Variants in SYNGR1 observed in about 807,000 individuals in gnomAD.
The protein encoded by SYNGR1 is synaptogyrin-1.
A neutral mutation model predicts 26.1 loss-of-function variants in SYNGR1; 14 were observed. That is an observed-to-expected ratio of 0.54 (90% CI 0.35 to 0.84). The LOEUF (loss-of-function observed/expected upper bound fraction) is 0.84. SYNGR1 is among the 40% of genes least tolerant of loss of function. The probability of loss-of-function intolerance (pLI) is 0.01; values close to 1 mark genes in which losing one functional copy is unlikely to be tolerated. For missense variants in SYNGR1, 319 were observed against 332.9 expected (o/e 0.96, Z 0.33); for synonymous variants, 141 against 150.1 (o/e 0.94, Z 0.44).
chr22:39,358,575 C>A (rs1276804281), intron 1 of SYNGR1, among the ~76,000 whole-genome samples: 1 of 151,696 alleles, frequency 6.6e-6, no homozygotes, highest in African/African-American at 2.4e-5. Flanking sequence ...AGACGCGCGG[C>A]ATTAAGAGCT....
intron 1 of SYNGR1, among the ~76,000 whole-genome samples, chr22:39,363,843 C>T (rs73887481): frequency 0.063 from 9,606 of 152,096 alleles, 989 homozygotes; most frequent in African/African-American, 0.22. Context: ...GATGTTCCTG[C>T]GCAGGGCGAG....
At chr22:39,357,632 CA>C (rs1924210884) in intron 1 of SYNGR1, among the ~76,000 whole-genome samples, 1 of 80,504 alleles carries the variant, frequency 1.2e-5, no homozygotes, top group African/African-American at 6.2e-5. Flanking sequence ...GCCCTCGGAG[CA>C]GCCGGCCAGC....
intron 2 of SYNGR1, 194 bp downstream of exon 2, chr22:39,374,747 A>C: frequency 7.9e-6 from 5 of 635,390 alleles, no homozygotes; most frequent in Non-Finnish European, 8.3e-6. Flanking sequence ...ACCCCAAAAT[A>C]ACCCATGCTG....
chr22:39,354,152 G>A (rs1464066800), intron 1 of SYNGR1, among the ~76,000 whole-genome samples: 6 of 152,170 alleles, frequency 3.9e-5, no homozygotes, highest in Non-Finnish European at 5.9e-5. Context: ...GTGAGCCACC[G>A]TGCCCAGTCA....
chr22:39,379,189 T>C (rs940807856), intron 3 of SYNGR1, among the ~76,000 whole-genome samples: 2 of 152,214 alleles, frequency 1.3e-5, no homozygotes, highest in African/African-American at 4.8e-5. Context: ...CATGCTAACA[T>C]AGTGGGAAAC....
Position 39,350,037 on chromosome 22 carries a change from CA to C in SYNGR1, c.30del (p.Ala11ProfsTer27). On this transcript the variant is annotated frameshift_variant, in exon 1 of 4. Transcript: ENST00000328933. LOFTEE classifies it high-confidence loss of function. The surrounding 1 kb of genome is among the most constrained non-coding windows in gnomAD (Gnocchi z 4.3). ...TGGAAGGGGGTGCGTACGGAGCGGG[CA>C]AAGCCGGGGGCGCCTTCGACCCCTA... is the stretch of plus-strand genomic sequence containing the variant. MEGGAYGAG[K>X]AGGAFDPYTL... The C allele has an allele frequency of 7.1e-7, 1 of 1,405,208 alleles. No individual in the cohort carries two copies. The highest frequency in any genetic ancestry group is 1.4e-5 in the South Asian group (1 of 71,036). 87.0% of individuals were successfully genotyped at this position (1,405,208 alleles called of 1,614,324 possible). A position where few individuals can be genotyped will look rare whatever the true frequency, so the allele number is the denominator to read the frequency against.
intron 1 of SYNGR1, among the ~76,000 whole-genome samples, chr22:39,363,114 G>A (rs1345936539): frequency 1.3e-5 from 2 of 152,132 alleles, no homozygotes; most frequent in African/African-American, 4.8e-5. Flanking sequence ...AGGCATCCCA[G>A]GCAGAGGAAA....
rs987331011 is a variant in SYNGR1, at chr22:39,375,697, T to C, written c.338-355T>C. 5.3e-5 allele frequency: 31 copies of C among 586,124 alleles called. 1 individual carries two copies. The highest frequency in any genetic ancestry group is 4.7e-4 in the African/African-American group (25 of 53,698). The allele number at this position is 586,124 out of a possible 1,614,324, so 36.3% of individuals were successfully genotyped here. A position where few individuals can be genotyped will look rare whatever the true frequency, so the allele number is the denominator to read the frequency against. On this transcript the variant is annotated intron_variant, in intron 2 of 3. Transcript: ENST00000328933. ...CCCACGTCAGCGGTGTGGCTGGACA[T>C]GGGGGTTTGGCAGAGGCTGCAGAAA...
intron 1 of SYNGR1, among the ~76,000 whole-genome samples, chr22:39,367,635 C>T (rs1195952016): frequency 1.3e-5 from 2 of 152,086 alleles, no homozygotes; most frequent in Non-Finnish European, 2.9e-5. Context: ...CCAGCCTGGC[C>T]AACATGGCAC....
rs111468234 is a variant in SYNGR1 at position 39,364,167 on chromosome 22, G to A, written c.100-10149G>A. The A allele has an allele frequency of 6.0e-3, 9,677 of 1,611,958 alleles. 510 individuals carry two copies. The African/African-American group carries it at 0.11, about 19-fold the overall frequency. ...CTTTTGCACTGCGGGACACGGCTCA[G>A]GACCAGCAGGCATGCCTCCTTGGTC... On this transcript the variant is annotated intron_variant, in intron 1 of 3. Coordinates refer to ENST00000328933, the MANE Select transcript of SYNGR1 (RefSeq NM_004711.5).
intron 1 of SYNGR1, among the ~76,000 whole-genome samples, chr22:39,364,614 A>G (rs1157353736): frequency 1.3e-5 from 2 of 152,160 alleles, no homozygotes; most frequent in African/African-American, 4.8e-5. Context: ...ATATCCCAGC[A>G]GCGTTCAGAG....
chr22:39,374,216 G>A (rs1292295833), intron 1 of SYNGR1, 100 bp from the exon 2 acceptor site: 9 of 1,106,232 alleles, frequency 8.1e-6, no homozygotes, highest in Admixed American at 3.5e-5. Context: ...TGTAGCTCAC[G>A]GAGGGCCAGG....
intron 1 of SYNGR1, among the ~76,000 whole-genome samples, chr22:39,370,813 G>A (rs957192301): frequency 4.6e-5 from 7 of 151,978 alleles, no homozygotes; most frequent in Admixed American, 3.3e-4. Context: ...TAGAGACAGG[G>A]TTTCACCGTG....
At chr22:39,369,365 G>C (rs995710573) in intron 1 of SYNGR1, among the ~76,000 whole-genome samples, 4 of 152,032 alleles carry the variant, frequency 2.6e-5, no homozygotes, top group African/African-American at 9.7e-5. Flanking sequence ...GAGCCCCTTT[G>C]ACAATGGCTC....
intron 3 of SYNGR1, among the ~76,000 whole-genome samples, chr22:39,378,760 C>T (rs1310456982): frequency 1.3e-5 from 2 of 152,356 alleles, no homozygotes; most frequent in East Asian, 1.9e-4. Flanking sequence ...CAGGGGACCA[C>T]CAGGTCCCTG....
rs530728094 is a variant in SYNGR1, at chr22:39,384,768, G to A, written c.*2854G>A. On this transcript the variant is annotated 3_prime_UTR_variant, in exon 4 of 4. Coordinates refer to ENST00000328933, the MANE Select transcript of SYNGR1 (RefSeq NM_004711.5). Reference sequence around the variant, plus strand: ...TCCCTCCTCCCCATCAAGCACAAGAGAGGGCCCAGGAAAAAAGGTTTCACA... The same window carrying A: ...TCCCTCCTCCCCATCAAGCACAAGAAAGGGCCCAGGAAAAAAGGTTTCACA... 1 of 399,136 alleles carries A rather than the reference G, an allele frequency of 2.5e-6. No homozygotes were observed. The highest frequency in any genetic ancestry group is 3.5e-5 in the East Asian group (1 of 28,194). The allele number at this position is 399,136 out of a possible 1,614,324, so 24.7% of individuals were successfully genotyped here.
At position 39,350,483 on chromosome 22, in the gene SYNGR1, G is replaced by A. The variant is rs1323295556; in HGVS notation, c.99+374G>A. Among the ~76,000 whole-genome samples the A allele has an allele frequency of 6.6e-6, 1 of 152,172 alleles. No homozygotes were observed. Among genetic ancestry groups the A allele is most frequent in the South Asian group, 2.1e-4 (1 of 4,830 alleles). ...TGGGGACCGTGGGGACGGAGCCAGGGTTTAAGGTGGCCTTTTTTGGGGGGT... is the reference window on the plus strand; with the variant it reads ...TGGGGACCGTGGGGACGGAGCCAGGATTTAAGGTGGCCTTTTTTGGGGGGT... On this transcript the variant is annotated intron_variant, in intron 1 of 3. Transcript: ENST00000328933. The surrounding 1 kb of genome is among the most constrained non-coding windows in gnomAD (Gnocchi z 4.3).
At chr22:39,359,620 G>T (rs545645264) in intron 1 of SYNGR1, among the ~76,000 whole-genome samples, 1 of 94,880 alleles carries the variant, frequency 1.1e-5, no homozygotes. Context: ...AACAAAGTGA[G>T]ACTCTGTCTC....
intron 1 of SYNGR1, among the ~76,000 whole-genome samples, chr22:39,352,123 T>G (rs1015396272): frequency 1.3e-5 from 2 of 152,222 alleles, no homozygotes. Flanking sequence ...TAGGTCTTCC[T>G]GTCTCCAAAG....
Sources: gnomAD v4.1 joint callset for allele counts (sites outside exome capture counted in the v4.1 genomes callset) on GRCh38, gnomAD v4.1.1 for gene constraint, Gnocchi (gnomAD v3.1) non-coding constraint, MANE v1.5 for transcripts, NCBI Gene and HGNC (gene_info 2026-07-23, HGNC 2026-07-21) for gene names.